The following TENM3 variants were observed in gnomAD, a reference collection of about 807,000 sequenced individuals.
The protein encoded by TENM3 is teneurin transmembrane protein 3, also known as teneurin-3.
Under a neutral mutation model 255.1 loss-of-function variants are expected in TENM3, and 63 were observed. The observed-to-expected ratio is 0.25, with a 90% CI of 0.20 to 0.30. The LOEUF (loss-of-function observed/expected upper bound fraction) is 0.30. Ranked by LOEUF, TENM3 falls within the 10% of genes least tolerant of loss-of-function variation. The pLI is 1.00. For missense variants in TENM3, 2,929 were observed against 3,461.1 expected (o/e 0.85, Z 3.86); for synonymous variants, 1,306 against 1,322.3 (o/e 0.99, Z 0.27).
At chr4:181,721,849 G>C in the TENM3 span, among the ~76,000 whole-genome samples, 1 of 152,008 alleles carries the variant, frequency 6.6e-6, no homozygotes, top group African/African-American at 2.4e-5. Flanking sequence ...TAGATGGTGT[G>C]GCTGTCACTG....
chr4:182,674,730 C>T (rs940107667), intron 7 of TENM3, among the ~76,000 whole-genome samples: 6 of 151,904 alleles, frequency 3.9e-5, no homozygotes, highest in Non-Finnish European at 5.9e-5. Flanking sequence ...TGCGTGTCAC[C>T]GCCCCCGGCT....
chr4:182,711,547 G>A (rs1379444713), intron 12 of TENM3: 1 of 974,332 alleles, frequency 1.0e-6, no homozygotes, highest in African/African-American at 1.8e-5. Flanking sequence ...ATGTCTGTCT[G>A]TTCTTTTTTC....
chr4:182,107,156 A>G, the TENM3 span, among the ~76,000 whole-genome samples: 2 of 60,732 alleles, frequency 3.3e-5, no homozygotes, highest in Admixed American at 1.4e-4. Context: ...GAACATACAC[A>G]CACACACACA....
chr4:181,804,069 AG>A, the TENM3 span, among the ~76,000 whole-genome samples: 1 of 143,412 alleles, frequency 7.0e-6, no homozygotes, highest in Non-Finnish European at 1.5e-5. Context: ...AGAAAGAGAA[AG>A]GAAAGAAAGA....
the TENM3 span, among the ~76,000 whole-genome samples, chr4:181,816,249 T>C: frequency 6.6e-6 from 1 of 152,174 alleles, no homozygotes; most frequent in Admixed American, 6.5e-5. Context: ...TTCCAGTCTT[T>C]GAGGAGCAGG....
At chr4:181,902,117 ACAC>A in the TENM3 span, among the ~76,000 whole-genome samples, 1 of 174 alleles carries the variant, frequency 5.7e-3, no homozygotes, top group Admixed American at 0.083. Flanking sequence ...ATGTGAGCAT[ACAC>A]ACACACACAC....
chr4:182,498,907 C>A (rs1736063472), intron 3 of TENM3, among the ~76,000 whole-genome samples: 2 of 151,932 alleles, frequency 1.3e-5, no homozygotes, highest in African/African-American at 4.8e-5. Flanking sequence ...TAAAATACTT[C>A]TAGACTTCAG....
the TENM3 span, chr4:181,905,952 G>T: frequency 3.5e-6 from 2 of 564,110 alleles, no homozygotes; most frequent in Non-Finnish European, 6.7e-6. Context: ...CAGAACAGCA[G>T]CTTCTTCAGA....
the TENM3 span, among the ~76,000 whole-genome samples, chr4:181,858,337 G>A: frequency 1.3e-5 from 2 of 152,174 alleles, no homozygotes; most frequent in Non-Finnish European, 2.9e-5. Context: ...TTTTAAGGAT[G>A]TTATTGGAAA....
chr4:181,453,821 C>T, the TENM3 span, among the ~76,000 whole-genome samples: 1 of 152,114 alleles, frequency 6.6e-6, no homozygotes, highest in Non-Finnish European at 1.5e-5. Flanking sequence ...AGGAACTCCC[C>T]TTGGCCAGCA....
At chr4:182,198,589 T>A (rs1753974362) in intron 1 of TENM3, among the ~76,000 whole-genome samples, 2 of 152,172 alleles carry the variant, frequency 1.3e-5, no homozygotes, top group African/African-American at 4.8e-5. Flanking sequence ...AAATTACAAA[T>A]GGCCCTGGGA....
intron 3 of TENM3, among the ~76,000 whole-genome samples, chr4:182,372,963 C>T (rs1341104713): frequency 6.6e-6 from 1 of 152,122 alleles, no homozygotes; most frequent in Non-Finnish European, 1.5e-5. Flanking sequence ...TGGTCTCAAA[C>T]TCCCGAACTC....
rs142716244 is a variant in TENM3 at position 182,607,097 on chromosome 4, A to T, written c.749+5936A>T. The stretch of plus-strand genomic sequence containing the variant: ...AAATGATTTATAAGTGTGAAATGAA[A>T]TAAAGTAAGTGGAGCACGTGGCACA... On this transcript the variant is annotated intron_variant, in intron 4 of 27. Coordinates refer to ENST00000511685, the MANE Select transcript of TENM3 (RefSeq NM_001080477.4). Among the ~76,000 whole-genome samples the T allele has an allele frequency of 1.9e-3, 285 of 152,360 alleles. 1 individual carries two copies. The highest frequency in any genetic ancestry group is 3.4e-3 in the Middle Eastern group (1 of 294).
At chr4:182,350,687 T>C (rs2150699129) in intron 3 of TENM3, among the ~76,000 whole-genome samples, 1 of 152,280 alleles carries the variant, frequency 6.6e-6, no homozygotes, top group South Asian at 2.1e-4. Context: ...GTTTTTGTTT[T>C]GTTTTGTTTT....
In TENM3 at chr4:182,422,417, A is replaced by T. The variant is rs372110992; in HGVS notation, c.511+75488A>T. On this transcript the variant is annotated intron_variant, in intron 3 of 27. Coordinates refer to ENST00000511685, the MANE Select transcript of TENM3 (RefSeq NM_001080477.4). ...ATTCCTTCTTCTGTTGTTGGCTTTGAGTAACCTCGCAACCAAGTCCCTGCT... is the reference window on the plus strand; with the variant it reads ...ATTCCTTCTTCTGTTGTTGGCTTTGTGTAACCTCGCAACCAAGTCCCTGCT... 1.4e-4 allele frequency among the ~76,000 whole-genome samples: 22 copies of T among 152,340 alleles called. No homozygotes were observed. The South Asian group carries it at 4.6e-3, about 32-fold the overall frequency.
At chr4:181,850,527 G>A in the TENM3 span, among the ~76,000 whole-genome samples, 4 of 152,000 alleles carry the variant, frequency 2.6e-5, no homozygotes, top group Non-Finnish European at 5.9e-5. Flanking sequence ...TATTTCTATA[G>A]TACAGTAGTA....
chr4:182,331,503 TGC>T (rs1429589560), intron 2 of TENM3, among the ~76,000 whole-genome samples: 2 of 151,090 alleles, frequency 1.3e-5, no homozygotes, highest in African/African-American at 4.9e-5. Context: ...CCAAGATCAA[TGC>T]CACTGCACTC....
chr4:182,521,421 GT>G (rs1311209062), intron 3 of TENM3, among the ~76,000 whole-genome samples: 1 of 145,906 alleles, frequency 6.9e-6, no homozygotes, highest in Non-Finnish European at 1.5e-5. Flanking sequence ...ATCATGCTTT[GT>G]TTGTGCTTTT....
the TENM3 span, among the ~76,000 whole-genome samples, chr4:181,869,816 T>C: frequency 0.96 from 146,532 of 152,204 alleles, 70,786 homozygotes; most frequent in East Asian, 1. Flanking sequence ...ATCACAAGAA[T>C]GCTCAACAAA....
Sources: allele counts gnomAD v4.1 joint callset (sites outside exome capture counted in the v4.1 genomes callset), GRCh38; gene constraint gnomAD v4.1.1; transcripts MANE v1.5; gene names NCBI Gene and HGNC (gene_info 2026-07-23, HGNC 2026-07-21).